EXOC4: variants seen among roughly 807,000 people sequenced by gnomAD.
EXOC4 encodes the protein SEC8-like 1.
A neutral mutation model predicts 107.2 loss-of-function variants in EXOC4; 71 were observed. That is an observed-to-expected ratio of 0.66 (90% CI 0.55 to 0.81). The LOEUF (loss-of-function observed/expected upper bound fraction) is 0.81. EXOC4 is among the 30% of genes least tolerant of loss of function. The probability of loss-of-function intolerance (pLI) is 0.00; values close to 1 mark genes in which losing one functional copy is unlikely to be tolerated. For missense variants in EXOC4, 1,108 were observed against 1,189.6 expected (o/e 0.93, Z 1.01); for synonymous variants, 456 against 441.2 (o/e 1.03, Z -0.42).
chr7:133,446,452 C>T (rs1798222041), intron 7 of EXOC4, among the ~76,000 whole-genome samples: 1 of 152,148 alleles, frequency 6.6e-6, no homozygotes. Context: ...AAGATAGCTT[C>T]TTCTCTAGTT....
At chr7:133,939,002 G>A (rs1800366397) in intron 14 of EXOC4, among the ~76,000 whole-genome samples, 1 of 151,972 alleles carries the variant, frequency 6.6e-6, no homozygotes, top group Non-Finnish European at 1.5e-5. Flanking sequence ...CACCTGCCTC[G>A]GCCTCCCAAA....
intron 1 of EXOC4, among the ~76,000 whole-genome samples, chr7:133,254,866 C>T (rs574447910): frequency 3.0e-4 from 46 of 152,252 alleles, no homozygotes; most frequent in African/African-American, 1.1e-3. Context: ...GTTCCCATTT[C>T]TTTTATGCTA....
At chr7:133,438,657 T>C (rs1466689745) in intron 7 of EXOC4, among the ~76,000 whole-genome samples, 1 of 152,168 alleles carries the variant, frequency 6.6e-6, no homozygotes, top group East Asian at 1.9e-4. Flanking sequence ...AATGAGGTGG[T>C]CTACTGAGGC....
At chr7:133,275,256 A>C in intron 2 of EXOC4, 85 bp downstream of exon 2, 1 of 1,087,098 alleles carries the variant, frequency 9.2e-7, no homozygotes, top group Non-Finnish European at 1.3e-6. Flanking sequence ...GGTAGTGGCT[A>C]ATGGTCCTTA....
At chr7:133,310,166 AAATC>A (rs1311488759) in intron 4 of EXOC4, among the ~76,000 whole-genome samples, 4 of 152,214 alleles carry the variant, frequency 2.6e-5, no homozygotes, top group Non-Finnish European at 5.9e-5. Context: ...GTATATTTAA[AAATC>A]AATAGAGAAG....
intron 9 of EXOC4, among the ~76,000 whole-genome samples, chr7:133,539,052 T>A (rs1225214333): frequency 6.6e-6 from 1 of 152,156 alleles, no homozygotes; most frequent in Non-Finnish European, 1.5e-5. Flanking sequence ...TACTTCATTG[T>A]CTGTCTTTAT....
At chr7:133,857,170 A>ATG in intron 11 of EXOC4, among the ~76,000 whole-genome samples, 474 of 15,756 alleles carry the variant, frequency 0.03, 113 homozygotes, top group African/African-American at 0.15. Context: ...ATATATATAT[A>ATG]TATATATATA....
Position 133,817,560 on chromosome 7 carries a change from G to T in EXOC4, c.1734+16G>T. 1 of 1,569,866 alleles carries T rather than the reference G, an allele frequency of 6.4e-7. No individual in the cohort carries two copies. The highest frequency in any genetic ancestry group is 1.1e-5 in the South Asian group (1 of 88,940). ...TCTCCTACAGGTAATAATACACTTT[G>T]AACTTACTATTTTTATCAGCAATTT... On this transcript the variant is annotated intron_variant, in intron 11 of 17. Transcript: ENST00000253861.
At chr7:133,368,298 T>C (rs147128123) in intron 6 of EXOC4, among the ~76,000 whole-genome samples, 2 of 152,360 alleles carry the variant, frequency 1.3e-5, no homozygotes, top group African/African-American at 4.8e-5. Flanking sequence ...CTTTTGGTTA[T>C]AAGTGCCAGG....
At position 133,835,433 on chromosome 7, in the gene EXOC4, C is replaced by T. The variant is rs150797515; in HGVS notation, c.1734+17889C>T. On this transcript the variant is annotated intron_variant, in intron 11 of 17. Coordinates refer to ENST00000253861, the MANE Select transcript of EXOC4 (RefSeq NM_021807.4). ...AAAGGTGGGACAGTTCGAAGTGGGACGGGGCTTTGTGTTCATAGGTAGATA... is the reference window on the plus strand; with the variant it reads ...AAAGGTGGGACAGTTCGAAGTGGGATGGGGCTTTGTGTTCATAGGTAGATA... 1.7e-3 allele frequency among the ~76,000 whole-genome samples: 254 copies of T among 152,214 alleles called. 1 individual carries two copies. The highest frequency in any genetic ancestry group is 3.4e-3 in the Middle Eastern group (1 of 294).
At chr7:133,676,478 C>A (rs1256752782) in intron 10 of EXOC4, among the ~76,000 whole-genome samples, 1 of 152,096 alleles carries the variant, frequency 6.6e-6, no homozygotes, top group South Asian at 2.1e-4. Context: ...AGCACCAGTT[C>A]TTCTTCTAAA....
At chr7:133,493,397 A>G (rs1384591966) in intron 9 of EXOC4, among the ~76,000 whole-genome samples, 1 of 152,176 alleles carries the variant, frequency 6.6e-6, no homozygotes, top group Non-Finnish European at 1.5e-5. Context: ...AGATTGCACC[A>G]TTGCACTCCG....
chr7:133,370,149 C>A (rs1298934513), intron 6 of EXOC4, among the ~76,000 whole-genome samples: 12 of 134,204 alleles, frequency 8.9e-5, no homozygotes, highest in African/African-American at 2.7e-4. Context: ...ACCCTCCCCC[C>A]CAAAAGCATA....
At chr7:133,683,931 A>G (rs989711816) in intron 10 of EXOC4, among the ~76,000 whole-genome samples, 2 of 152,182 alleles carry the variant, frequency 1.3e-5, no homozygotes, top group African/African-American at 2.4e-5. Context: ...TTCTTTTTTC[A>G]AAATTAAGCA....
chr7:133,495,425 G>A (rs1329851047), intron 9 of EXOC4, among the ~76,000 whole-genome samples: 1 of 151,834 alleles, frequency 6.6e-6, no homozygotes, highest in Non-Finnish European at 1.5e-5. Context: ...AGTGTGTAAT[G>A]TGCACTCATC....
chr7:133,606,517 A>ATGAT lies in EXOC4; in HGVS notation c.1418-23527_1418-23526insGATT, dbSNP rs1554478258. 2.9e-5 allele frequency among the ~76,000 whole-genome samples: 4 copies of ATGAT among 136,934 alleles called. No individual in the cohort carries two copies. In the East Asian group the frequency reaches 8.2e-4, roughly 28 times the overall value. The allele number at this position is 136,934 out of a possible 152,430, so 89.8% of individuals were successfully genotyped here. A position where few individuals can be genotyped will look rare whatever the true frequency, so the allele number is the denominator to read the frequency against. ...GCTGTTTATTATTATTATTATTATT[A>ATGAT]TTTTTTTTTTTTTTTGAGGTGGAGT... is the stretch of plus-strand genomic sequence containing the variant. On this transcript the variant is annotated intron_variant, in intron 9 of 17. Coordinates refer to ENST00000253861, the MANE Select transcript of EXOC4 (RefSeq NM_021807.4).
chr7:133,346,090 G>A (rs535364379), intron 5 of EXOC4, among the ~76,000 whole-genome samples: 2 of 152,216 alleles, frequency 1.3e-5, no homozygotes, highest in Admixed American at 6.5e-5. Context: ...AATTTTTCAC[G>A]GTGAAGGAAA....
chr7:133,960,247 C>T (rs1191499566), intron 14 of EXOC4, among the ~76,000 whole-genome samples: 1 of 152,044 alleles, frequency 6.6e-6, no homozygotes, highest in East Asian at 1.9e-4. Context: ...CTTTAAACAA[C>T]GAATAAAACT....
At chr7:133,346,052 A>G (rs1411444957) in intron 5 of EXOC4, among the ~76,000 whole-genome samples, 1 of 152,222 alleles carries the variant, frequency 6.6e-6, no homozygotes, top group Non-Finnish European at 1.5e-5. Flanking sequence ...CAGTGGGTGC[A>G]TTAATTAGAA....
Sources: allele counts gnomAD v4.1 joint callset (sites outside exome capture counted in the v4.1 genomes callset), GRCh38; gene constraint gnomAD v4.1.1; transcripts MANE v1.5; gene names NCBI Gene and HGNC (gene_info 2026-07-23, HGNC 2026-07-21).